MYO16: variants seen among roughly 807,000 people sequenced by gnomAD.
MYO16 encodes myosin XVI.
A neutral mutation model predicts 205.3 loss-of-function variants in MYO16; 94 were observed. That is an observed-to-expected ratio of 0.46 (90% CI 0.39 to 0.54). The LOEUF (loss-of-function observed/expected upper bound fraction) is 0.54, where lower values mean the gene tolerates loss of function less well. MYO16 is among the 20% of genes least tolerant of loss of function. The pLI, the probability that MYO16 is intolerant of heterozygous loss-of-function variation, is 0.00. For missense variants in MYO16, 2,315 were observed against 2,387.5 expected, an observed-to-expected ratio of 0.97 and a Z score of 0.63; for synonymous variants, 988 against 954.0, an observed-to-expected ratio of 1.04 and a Z score of -0.66.
At chr13:108,547,144 C>T in the MYO16 span, among the ~76,000 whole-genome samples, 1 of 151,822 alleles carries the variant, frequency 6.6e-6, no homozygotes, top group Non-Finnish European at 1.5e-5. Context: ...TCATGGCGGG[C>T]ACCTGTAGTC....
At chr13:109,190,990 G>A (rs527527784) in intron 34 of MYO16, among the ~76,000 whole-genome samples, 4 of 152,042 alleles carry the variant, frequency 2.6e-5, no homozygotes, top group Admixed American at 6.6e-5. Context: ...AGGCTGAGGC[G>A]GGCGGATCAT....
At chr13:108,735,446 C>T (rs917867003) in intron 4 of MYO16, among the ~76,000 whole-genome samples, 2 of 152,098 alleles carry the variant, frequency 1.3e-5, no homozygotes, top group African/African-American at 2.4e-5. Flanking sequence ...TGAACTCATC[C>T]GTTTTTATGG....
At chr13:108,776,584 A>C (rs1886131085) in intron 4 of MYO16, among the ~76,000 whole-genome samples, 1 of 152,052 alleles carries the variant, frequency 6.6e-6, no homozygotes, top group African/African-American at 2.4e-5. Flanking sequence ...TATCTGTAGC[A>C]CTCCAATAAA....
intron 33 of MYO16, among the ~76,000 whole-genome samples, chr13:109,166,029 A>G (rs374432340): frequency 1.3e-5 from 2 of 152,222 alleles, no homozygotes; most frequent in African/African-American, 4.8e-5. Context: ...GCTTCAAAAC[A>G]TTCATAGAAA....
intron 4 of MYO16, among the ~76,000 whole-genome samples, chr13:108,752,087 A>G (rs939545647): frequency 4.6e-5 from 7 of 152,188 alleles, no homozygotes; most frequent in African/African-American, 1.7e-4. Context: ...GGACACTGGT[A>G]TGAGGTATAT....
At chr13:109,025,019 A>G (rs1886317629) in intron 23 of MYO16, among the ~76,000 whole-genome samples, 1 of 152,164 alleles carries the variant, frequency 6.6e-6, no homozygotes, top group African/African-American at 2.4e-5. Flanking sequence ...GAACATTGCT[A>G]AATAGCTCTA....
chr13:108,742,288 C>G (rs1884934936), intron 4 of MYO16, among the ~76,000 whole-genome samples: 1 of 152,052 alleles, frequency 6.6e-6, no homozygotes, highest in South Asian at 2.1e-4. Context: ...GCCACCACAC[C>G]CGGCCCTAAT....
chr13:108,908,473 C>A (rs983983028), intron 15 of MYO16, among the ~76,000 whole-genome samples: 1 of 152,168 alleles, frequency 6.6e-6, no homozygotes, highest in African/African-American at 2.4e-5. Flanking sequence ...GGAGACATCA[C>A]ATTTTTGCTT....
intron 16 of MYO16, among the ~76,000 whole-genome samples, chr13:108,954,608 G>A (rs1037146935): frequency 3.9e-5 from 6 of 152,024 alleles, no homozygotes; most frequent in African/African-American, 9.7e-5. Flanking sequence ...CAGGCGTGGC[G>A]ACATGTGCCT....
At chr13:108,744,532 C>G (rs944742293) in intron 4 of MYO16, among the ~76,000 whole-genome samples, 2 of 152,248 alleles carry the variant, frequency 1.3e-5, no homozygotes, top group African/African-American at 2.4e-5. Flanking sequence ...CAGTATGATT[C>G]TGCTGACCCA....
chr13:108,669,178 T>C (rs781258105), intron 2 of MYO16, among the ~76,000 whole-genome samples: 1 of 151,394 alleles, frequency 6.6e-6, no homozygotes, highest in Non-Finnish European at 1.5e-5. Context: ...TGAAATGAGG[T>C]CCAATCACAA....
At chr13:109,174,515 T>G (rs1417669296) in intron 33 of MYO16, among the ~76,000 whole-genome samples, 1 of 152,096 alleles carries the variant, frequency 6.6e-6, no homozygotes, top group African/African-American at 2.4e-5. Flanking sequence ...GCTCAAGAGA[T>G]AGAAGACAGA....
At chr13:108,551,522 C>T in the MYO16 span, among the ~76,000 whole-genome samples, 3 of 152,142 alleles carry the variant, frequency 2.0e-5, no homozygotes, top group Non-Finnish European at 2.9e-5. Context: ...CTATTTGTTA[C>T]TTGAATTGTG....
chr13:108,500,934 T>TC, the MYO16 span, among the ~76,000 whole-genome samples: 1 of 152,102 alleles, frequency 6.6e-6, no homozygotes, highest in East Asian at 1.9e-4. Flanking sequence ...CCGACTCACA[T>TC]CCCTGCATTT....
chr13:109,093,780 C>A (rs937183178), intron 27 of MYO16, among the ~76,000 whole-genome samples: 1 of 152,142 alleles, frequency 6.6e-6, no homozygotes, highest in African/African-American at 2.4e-5. Flanking sequence ...TGCCTCTCAC[C>A]TGGACTATAG....
intron 16 of MYO16, among the ~76,000 whole-genome samples, chr13:108,931,767 T>C (rs1004669421): frequency 6.6e-6 from 1 of 152,226 alleles, no homozygotes; most frequent in Non-Finnish European, 1.5e-5. Flanking sequence ...CTTATATTTC[T>C]AGTTTTACCA....
intron 1 of MYO16, among the ~76,000 whole-genome samples, chr13:108,653,082 C>T (rs115279870): frequency 0.01 from 1,531 of 152,266 alleles, 11 homozygotes; most frequent in Middle Eastern, 0.071. Flanking sequence ...TAGCTATTCT[C>T]TCAGATATGA....
chr13:109,126,412 C>A (rs568204121), intron 30 of MYO16, among the ~76,000 whole-genome samples: 1 of 152,200 alleles, frequency 6.6e-6, no homozygotes, highest in African/African-American at 2.4e-5. Context: ...TAAAAACAAA[C>A]GCTTGGAAAC....
the MYO16 span, among the ~76,000 whole-genome samples, chr13:108,579,751 TTTTTTTG>T: frequency 6.6e-6 from 1 of 152,170 alleles, no homozygotes; most frequent in Non-Finnish European, 1.5e-5. Context: ...GCAAGCTTTC[TTTTTTTG>T]TTTTTTGTTT....
Sources: allele counts gnomAD v4.1 joint callset (sites outside exome capture counted in the v4.1 genomes callset), GRCh38; gene constraint gnomAD v4.1.1; transcripts MANE v1.5; gene names NCBI Gene and HGNC (gene_info 2026-07-23, HGNC 2026-07-21).